FMN1: variants seen among roughly 807,000 people sequenced by gnomAD.
FMN1 encodes the protein formin-1.
FMN1 carries 110 observed loss-of-function variants against 132.4 expected under a neutral mutation model. The observed-to-expected ratio is 0.83, with a 90% CI of 0.71 to 0.97. The LOEUF (loss-of-function observed/expected upper bound fraction) is 0.97. Ranked by LOEUF, FMN1 falls within the 50% of genes least tolerant of loss-of-function variation. The pLI is 0.00. For missense variants in FMN1, 1,792 were observed against 1,705.3 expected, an observed-to-expected ratio of 1.05 and a Z score of -0.90; for synonymous variants, 722 against 651.7, an observed-to-expected ratio of 1.11 and a Z score of -1.64.
chr15:33,070,204 C>T (rs1275514399), intron 5 of FMN1, among the ~76,000 whole-genome samples: 2 of 151,386 alleles, frequency 1.3e-5, no homozygotes, highest in Non-Finnish European at 2.9e-5. Flanking sequence ...AAGGTTTCTC[C>T]ATGTTGGTCA....
chr15:33,113,231 C>T (rs573046713), intron 4 of FMN1, among the ~76,000 whole-genome samples: 2 of 139,396 alleles, frequency 1.4e-5, no homozygotes, highest in African/African-American at 5.0e-5. Flanking sequence ...CATATTCTTA[C>T]CTAAAGGTCA....
intron 3 of FMN1, among the ~76,000 whole-genome samples, chr15:33,171,218 G>T (rs1965310309): frequency 6.6e-6 from 1 of 152,190 alleles, no homozygotes; most frequent in Admixed American, 6.5e-5. Context: ...CTGAGAAGGG[G>T]ATGTGGAGAG....
rs1348290549 is a variant in FMN1, at chr15:32,950,058, T to C, written c.3138+14049A>G. ...ACACATATATATATATATACACATA[T>C]ATATATATATATATATATATATTAA... On this transcript the variant is annotated intron_variant, in intron 9 of 20. Coordinates refer to ENST00000616417, the MANE Select transcript of FMN1 (RefSeq NM_001277313.2). Among the ~76,000 whole-genome samples, 8 of 77,974 alleles carry C rather than the reference T, an allele frequency of 1.0e-4. 2 individuals are homozygous for C. The highest frequency in any genetic ancestry group is 5.2e-4 in the South Asian group (1 of 1,926). The allele number at this position is 77,974 out of a possible 152,430, so 51.2% of individuals were successfully genotyped here.
chr15:33,017,994 G>A lies in FMN1; in HGVS notation c.2162-9919C>T, dbSNP rs8035355. ...GTAGGAGAATCACTTGAACCCAGGA[G>A]GTGGAGGTTGCAGTGAGCCGAGATC... On this transcript the variant is annotated intron_variant, in intron 6 of 20. Coordinates refer to ENST00000616417, the MANE Select transcript of FMN1 (RefSeq NM_001277313.2). Among the ~76,000 whole-genome samples, 1,178 of 151,022 alleles carry A rather than the reference G, an allele frequency of 7.8e-3. 21 individuals are homozygous for A. Among genetic ancestry groups the A allele is most frequent in the African/African-American group, 0.025 (1,035 of 41,060 alleles).
At chr15:32,827,481 T>A (rs1356936582) in intron 17 of FMN1, among the ~76,000 whole-genome samples, 1 of 152,246 alleles carries the variant, frequency 6.6e-6, no homozygotes, top group African/African-American at 2.4e-5. Context: ...TTTTCATGTT[T>A]GTACCACTTT....
chr15:32,911,349 C>T (rs1245616248), intron 10 of FMN1, among the ~76,000 whole-genome samples: 3 of 138,736 alleles, frequency 2.2e-5, no homozygotes, highest in Non-Finnish European at 5.0e-5. Flanking sequence ...CTCAACCCTA[C>T]CTCCCTTCCC....
intron 9 of FMN1, among the ~76,000 whole-genome samples, chr15:32,932,000 T>C (rs989140190): frequency 6.6e-6 from 1 of 152,250 alleles, no homozygotes. Context: ...GTTCTTTTAA[T>C]GTAATATATC....
At position 32,964,163 on chromosome 15, in the gene FMN1, G is replaced by GA. The variant is rs1418678451; in HGVS notation, c.3081dup (p.Gln1028SerfsTer12). 3 of 1,612,412 alleles carry GA rather than the reference G, an allele frequency of 1.9e-6. No individual in the cohort carries two copies. The highest frequency in any genetic ancestry group is 1.7e-6 in the Non-Finnish European group (2 of 1,179,088). On this transcript the variant is annotated frameshift_variant, in exon 9 of 21. Transcript: ENST00000616417. LOFTEE classifies it high-confidence loss of function. ...TCTGACAGAGGTTTTTTCTTCTGTT[G>GA]AGTTGTGTCTTTGGAGAATAAATAC... is the stretch of plus-strand genomic sequence containing the variant.
At chr15:32,994,232 T>TCTCTCTCTCTCTCTCA (rs904998781) in intron 7 of FMN1, among the ~76,000 whole-genome samples, 48 of 37,260 alleles carry the variant, frequency 1.3e-3, no homozygotes, top group Middle Eastern at 0.014. Context: ...TCTCTCTCTC[T>TCTCTCTCTCTCTCTCA]CACACACACA....
At chr15:33,028,484 C>A (rs1010440846) in intron 6 of FMN1, among the ~76,000 whole-genome samples, 4 of 150,626 alleles carry the variant, frequency 2.7e-5, no homozygotes, top group Admixed American at 2.6e-4. Context: ...TGCTCAAATG[C>A]TGGAAAAAAC....
chr15:32,976,530 G>A (rs2032219008), intron 7 of FMN1, among the ~76,000 whole-genome samples: 1 of 152,166 alleles, frequency 6.6e-6, no homozygotes, highest in African/African-American at 2.4e-5. Flanking sequence ...CATTGGGTTT[G>A]ATGAGAACCC....
chr15:32,864,913 T>C lies in FMN1; in HGVS notation c.3836-7806A>G, dbSNP rs530438365. On this transcript the variant is annotated intron_variant, in intron 16 of 20. Transcript: ENST00000616417. The stretch of plus-strand genomic sequence containing the variant: ...AATATACTTTATACACAGAATGAAA[T>C]ATTTGGCCATTAAAACAAATGAAGT... Among the ~76,000 whole-genome samples the C allele has an allele frequency of 6.6e-5, 10 of 152,330 alleles. No individual in the cohort carries two copies. In the East Asian group the frequency reaches 1.7e-3, roughly 26 times the overall value.
At chr15:32,918,556 G>A (rs545772871) in intron 10 of FMN1, among the ~76,000 whole-genome samples, 1 of 152,262 alleles carries the variant, frequency 6.6e-6, no homozygotes, top group African/African-American at 2.4e-5. Context: ...CTAAGTCCAG[G>A]CATGTACTAT....
chr15:32,935,580 T>C (rs943802718), intron 9 of FMN1, among the ~76,000 whole-genome samples: 1 of 152,158 alleles, frequency 6.6e-6, no homozygotes, highest in Non-Finnish European at 1.5e-5. Flanking sequence ...TGTCACAATG[T>C]GTCTATTGAT....
At chr15:32,944,024 C>T (rs79200952) in intron 9 of FMN1, among the ~76,000 whole-genome samples, 14,523 of 152,184 alleles carry the variant, frequency 0.095, 760 homozygotes, top group African/African-American at 0.15. Flanking sequence ...CTAGTCCCCT[C>T]CCTACGATTT....
chr15:32,986,900 G>A (rs559266776), intron 7 of FMN1, among the ~76,000 whole-genome samples: 1 of 152,230 alleles, frequency 6.6e-6, no homozygotes, highest in Admixed American at 6.5e-5. Context: ...GTTTTCTCTA[G>A]TAATTGGAAG....
intron 17 of FMN1, among the ~76,000 whole-genome samples, chr15:32,833,079 C>A (rs1421186108): frequency 6.6e-6 from 1 of 152,128 alleles, no homozygotes; most frequent in Non-Finnish European, 1.5e-5. Context: ...CTCTTCTCCA[C>A]CGCCACCACT....
intron 19 of FMN1, among the ~76,000 whole-genome samples, chr15:32,797,622 T>C (rs768731096): frequency 6.6e-6 from 1 of 152,180 alleles, no homozygotes; most frequent in African/African-American, 2.4e-5. Context: ...TTTATCTATA[T>C]AATGGATATA....
chr15:33,108,517 T>C (rs914298070), intron 4 of FMN1, among the ~76,000 whole-genome samples: 2 of 151,494 alleles, frequency 1.3e-5, no homozygotes, highest in Non-Finnish European at 2.9e-5. Flanking sequence ...ATTCTCTAAC[T>C]CTGCTATTAA....
Sources: gnomAD v4.1 joint callset for allele counts (sites outside exome capture counted in the v4.1 genomes callset) on GRCh38, gnomAD v4.1.1 for gene constraint, MANE v1.5 for transcripts, NCBI Gene and HGNC (gene_info 2026-07-23, HGNC 2026-07-21) for gene names.